NSUN6: variants seen among roughly 807,000 people sequenced by gnomAD.
The protein encoded by NSUN6 is NOP2/Sun RNA methyltransferase 6, also known as tRNA (cytosine(72)-C(5))-methyltransferase NSUN6.
In NSUN6, 64 loss-of-function variants were observed where a neutral mutation model predicts 58.0. The ratio of observed to expected loss-of-function variants is 1.10; its 90% CI spans 0.90 to 1.36. The LOEUF (loss-of-function observed/expected upper bound fraction) is 1.36. NSUN6 is among the 40% of genes most tolerant of loss of function. NSUN6 has a pLI of 0.00. For missense variants in NSUN6, 701 were observed against 550.1 expected (o/e 1.27, Z -2.74); for synonymous variants, 231 against 193.9 (o/e 1.19, Z -1.59).
chr10:18,621,245 C>T (rs1301878521), intron 3 of NSUN6, among the ~76,000 whole-genome samples: 1 of 152,174 alleles, frequency 6.6e-6, no homozygotes, highest in South Asian at 2.1e-4. Context: ...CAGCTCAGCA[C>T]TGGGGGACTT....
intron 8 of NSUN6, among the ~76,000 whole-genome samples, chr10:18,583,699 A>G (rs2057002870): frequency 6.6e-6 from 1 of 152,214 alleles, no homozygotes; most frequent in African/African-American, 2.4e-5. Flanking sequence ...ATTTTTAAAA[A>G]AGGATATCAA....
chr10:18,658,684 C>T (rs756838479), upstream of NSUN6: 3 of 981,818 alleles, frequency 3.1e-6, no homozygotes, highest in Non-Finnish European at 3.6e-6. Context: ...TGGCTCGTCT[C>T]CCAATCAATT....
chr10:18,556,679 T>C (rs1395576214), intron 8 of NSUN6, among the ~76,000 whole-genome samples: 2 of 145,364 alleles, frequency 1.4e-5, no homozygotes, highest in African/African-American at 5.1e-5. Context: ...GAATGGGGAA[T>C]TGAAATGCGA....
intron 8 of NSUN6, among the ~76,000 whole-genome samples, chr10:18,566,555 T>G (rs1159949499): frequency 1.5e-5 from 2 of 136,622 alleles, no homozygotes; most frequent in African/African-American, 5.0e-5. Context: ...CATTCCATTC[T>G]CCATTCCATT....
At chr10:18,632,829 A>G (rs1207447501) in intron 3 of NSUN6, among the ~76,000 whole-genome samples, 1 of 152,236 alleles carries the variant, frequency 6.6e-6, no homozygotes, top group Admixed American at 6.5e-5. Context: ...TAGTTCAACC[A>G]TTGTGGAAGT....
chr10:18,633,314 G>C (rs980568195), intron 3 of NSUN6, among the ~76,000 whole-genome samples: 4 of 150,896 alleles, frequency 2.7e-5, no homozygotes, highest in Non-Finnish European at 3.0e-5. Flanking sequence ...CCTAATGCTA[G>C]ATGATGAGTT....
intron 10 of NSUN6, 84 bp from the exon 11 acceptor site, chr10:18,546,229 T>G (rs2133367205): frequency 1.0e-6 from 1 of 976,202 alleles, no homozygotes; most frequent in Non-Finnish European, 1.7e-6. Context: ...AAAGACAAAT[T>G]GGGCTGTAAC....
At chr10:18,602,368 C>T (rs547018493) in intron 6 of NSUN6, among the ~76,000 whole-genome samples, 6 of 152,072 alleles carry the variant, frequency 3.9e-5, no homozygotes, top group East Asian at 1.9e-4. Context: ...CTCAGCCTCC[C>T]GAGTAGCTGG....
chr10:18,593,852 T>C (rs2057472850), intron 7 of NSUN6, among the ~76,000 whole-genome samples: 1 of 150,556 alleles, frequency 6.6e-6, no homozygotes, highest in African/African-American at 2.4e-5. Context: ...TCTGCAGGTG[T>C]ATTGCAGAAC....
chr10:18,634,979 C>G (rs1406271828), intron 3 of NSUN6, among the ~76,000 whole-genome samples: 2 of 152,162 alleles, frequency 1.3e-5, no homozygotes, highest in African/African-American at 4.8e-5. Flanking sequence ...AAAACCTTCC[C>G]TAATGATAAA....
At chr10:18,575,674 T>C (rs973669292) in intron 8 of NSUN6, among the ~76,000 whole-genome samples, 2 of 152,162 alleles carry the variant, frequency 1.3e-5, no homozygotes, top group African/African-American at 4.8e-5. Context: ...AGAGACTCGA[T>C]TGCCATGGAC....
At chr10:18,642,935 A>C (rs12360352) in intron 2 of NSUN6, among the ~76,000 whole-genome samples, 7,393 of 152,194 alleles carry the variant, frequency 0.049, 277 homozygotes, top group Non-Finnish European at 0.077. Context: ...AATACTACCT[A>C]ATATACACAA....
intron 8 of NSUN6, among the ~76,000 whole-genome samples, chr10:18,575,723 C>T (rs948326991): frequency 1.3e-5 from 2 of 152,154 alleles, no homozygotes; most frequent in East Asian, 1.9e-4. Context: ...ATTTGAAATG[C>T]ACCACGGAAA....
At chr10:18,560,402 G>C (rs2055404626) in intron 8 of NSUN6, among the ~76,000 whole-genome samples, 1 of 150,900 alleles carries the variant, frequency 6.6e-6, no homozygotes, top group Non-Finnish European at 1.5e-5. Context: ...ATGAAATAGA[G>C]AATGAAGTGG....
At chr10:18,573,558 C>A (rs2056500808) in intron 8 of NSUN6, among the ~76,000 whole-genome samples, 1 of 151,918 alleles carries the variant, frequency 6.6e-6, no homozygotes, top group Non-Finnish European at 1.5e-5. Context: ...TCTTTTTGGC[C>A]AAATTTTACA....
chr10:18,551,735 G>T, intron 9 of NSUN6, 88 bp downstream of exon 9: 2 of 1,127,126 alleles, frequency 1.8e-6, no homozygotes, highest in South Asian at 1.5e-5. Context: ...CTATTGTAAT[G>T]AACGCTGCTA....
intron 3 of NSUN6, among the ~76,000 whole-genome samples, chr10:18,627,038 TG>T (rs1295160895): frequency 6.6e-6 from 1 of 152,234 alleles, no homozygotes; most frequent in Non-Finnish European, 1.5e-5. Flanking sequence ...CTTTACAAAA[TG>T]CTGGTTGAGA....
At chr10:18,651,952 G>T (rs1404128082), upstream of NSUN6, 4 of 985,292 alleles carry the variant, frequency 4.1e-6, no homozygotes, top group African/African-American at 7.0e-5. Flanking sequence ...ATGTCCTCCA[G>T]TTAGAGGATG....
At chr10:18,571,742 A>G (rs772311268) in intron 8 of NSUN6, among the ~76,000 whole-genome samples, 1 of 148,294 alleles carries the variant, frequency 6.7e-6, no homozygotes, top group Non-Finnish European at 1.5e-5. Context: ...ATTCCATTCC[A>G]TTCCATTCTG....
Sources: allele counts gnomAD v4.1 joint callset (sites outside exome capture counted in the v4.1 genomes callset), GRCh38; gene constraint gnomAD v4.1.1; transcripts MANE v1.5; gene names NCBI Gene and HGNC (gene_info 2026-07-23, HGNC 2026-07-21).